WDR72: variants seen among roughly 807,000 people sequenced by gnomAD.
WDR72 encodes WD repeat domain 72.
WDR72 carries 120 observed loss-of-function variants against 124.2 expected under a neutral mutation model. The observed-to-expected ratio is 0.97, with a 90% CI of 0.83 to 1.12. The LOEUF (loss-of-function observed/expected upper bound fraction) is 1.12, where lower values mean the gene tolerates loss of function less well. Ranked by LOEUF, WDR72 falls within the 50% of genes most tolerant of loss-of-function variation. WDR72 has a pLI of 0.00. For missense variants in WDR72, 1,387 were observed against 1,278.8 expected (o/e 1.08, Z -1.29); for synonymous variants, 452 against 441.7 (o/e 1.02, Z -0.29).
At position 53,616,035 on chromosome 15, in the gene WDR72, GTCT is replaced by G. The variant is rs754212316; in HGVS notation, c.2168_2170del (p.Lys723del). 78 of 1,613,020 alleles carry G rather than the reference GTCT, an allele frequency of 4.8e-5. 1 individual carries two copies. In the African/African-American group the frequency reaches 9.6e-4, roughly 20 times the overall value. On this transcript the variant is annotated inframe_deletion, in exon 15 of 20. Coordinates refer to ENST00000360509, the MANE Select transcript of WDR72 (RefSeq NM_182758.4). The stretch of plus-strand genomic sequence containing the variant: ...AGTTTTACTTTTTCTCAGTGTCAGT[GTCT>G]TCTTCTCCACTGTGCTCTTGGCTCT...
intron 18 of WDR72, among the ~76,000 whole-genome samples, chr15:53,570,181 C>A (rs1167945277): frequency 6.6e-6 from 1 of 151,568 alleles, no homozygotes; most frequent in East Asian, 1.9e-4. Flanking sequence ...ATTTATTGGG[C>A]ACAACATGAT....
chr15:53,636,758 T>A (rs2014638039), intron 14 of WDR72, among the ~76,000 whole-genome samples: 1 of 152,192 alleles, frequency 6.6e-6, no homozygotes, highest in South Asian at 2.1e-4. Context: ...CTTAGATAAT[T>A]CTGTGTACTT....
intron 14 of WDR72, among the ~76,000 whole-genome samples, chr15:53,629,571 G>T (rs2014343945): frequency 6.6e-6 from 1 of 151,926 alleles, no homozygotes; most frequent in Non-Finnish European, 1.5e-5. Flanking sequence ...AATATAGCAG[G>T]GGCAGAACTT....
chr15:53,689,827 C>G, intron 13 of WDR72, among the ~76,000 whole-genome samples: 1 of 151,998 alleles, frequency 6.6e-6, no homozygotes, highest in Non-Finnish European at 1.5e-5. Context: ...AGATGTCCAA[C>G]AGTGATAGAC....
At chr15:53,607,706 C>T (rs1280652070) in intron 17 of WDR72, among the ~76,000 whole-genome samples, 2 of 151,976 alleles carry the variant, frequency 1.3e-5, no homozygotes, top group African/African-American at 4.8e-5. Flanking sequence ...AAACAATCAA[C>T]AAAAACAAGA....
chr15:53,621,879 C>G (rs2014009153), intron 14 of WDR72, among the ~76,000 whole-genome samples: 1 of 152,016 alleles, frequency 6.6e-6, no homozygotes, highest in African/African-American at 2.4e-5. Flanking sequence ...ATGCATCTGA[C>G]AAAGCCCTAA....
chr15:53,623,568 C>T (rs889751378), intron 14 of WDR72, among the ~76,000 whole-genome samples: 3 of 151,880 alleles, frequency 2.0e-5, no homozygotes, highest in Admixed American at 6.6e-5. Flanking sequence ...TTGATGCGCA[C>T]CTAGGTTGAT....
intron 2 of WDR72, among the ~76,000 whole-genome samples, chr15:53,729,027 C>A (rs2140598768): frequency 6.6e-6 from 1 of 152,072 alleles, no homozygotes; most frequent in Non-Finnish European, 1.5e-5. Flanking sequence ...ACCTTTTTTC[C>A]TTCCCTATTC....
intron 2 of WDR72, among the ~76,000 whole-genome samples, chr15:53,726,256 G>T (rs868580135): frequency 9.5e-6 from 1 of 105,794 alleles, no homozygotes; most frequent in African/African-American, 5.6e-5. Flanking sequence ...ATATATATAT[G>T]TATGTGTGTA....
rs1284840444 is a variant in WDR72, at chr15:53,597,286, T to A, written c.2953-12A>T. 1.9e-6 allele frequency: 3 copies of A among 1,612,376 alleles called. No homozygotes were observed. In the African/African-American group the frequency reaches 4.0e-5, roughly 22 times the overall value. ...ATTGCTTCAGTTACCTGTAAGGTAT[T>A]TTTTTAAGTGAATTATTTTTAGTAT... is the stretch of plus-strand genomic sequence containing the variant. On this transcript the variant is annotated splice_polypyrimidine_tract_variant and intron_variant, in intron 17 of 19. Transcript: ENST00000360509.
At chr15:53,665,891 C>A (rs932986645) in intron 13 of WDR72, 123 bp from the exon 14 acceptor site, 17 of 936,690 alleles carry the variant, frequency 1.8e-5, no homozygotes, top group Non-Finnish European at 2.8e-5. Context: ...TAGTATCTTG[C>A]AACTGAAAAA....
intron 1 of WDR72, among the ~76,000 whole-genome samples, chr15:53,746,182 C>T (rs1405128693): frequency 1.3e-5 from 2 of 152,184 alleles, no homozygotes; most frequent in East Asian, 1.9e-4. Flanking sequence ...TCCTCCAGCC[C>T]GCCTTCATCT....
chr15:53,522,501 T>C (rs1420906172), intron 19 of WDR72, among the ~76,000 whole-genome samples: 1 of 152,074 alleles, frequency 6.6e-6, no homozygotes, highest in African/African-American at 2.4e-5. Context: ...GGAATGTTCA[T>C]TCGACTTTTA....
At chr15:53,700,036 GT>G in intron 12 of WDR72, 91 bp from the exon 13 acceptor site, 1 of 1,500,606 alleles carries the variant, frequency 6.7e-7, no homozygotes, top group Non-Finnish European at 9.2e-7. Flanking sequence ...ACATAAAAAA[GT>G]TTTGTTAAAG....
At chr15:53,631,475 T>C (rs982461148) in intron 14 of WDR72, among the ~76,000 whole-genome samples, 2 of 152,294 alleles carry the variant, frequency 1.3e-5, no homozygotes, top group Middle Eastern at 3.4e-3. Flanking sequence ...GAGTGGAGCA[T>C]TGCTGCAAAG....
chr15:53,656,970 A>T (rs2015441104), intron 14 of WDR72, among the ~76,000 whole-genome samples: 5 of 152,090 alleles, frequency 3.3e-5, no homozygotes. Context: ...CATGTTTTTA[A>T]AAAGGAAAAA....
At chr15:53,546,556 C>G (rs907083083) in intron 18 of WDR72, among the ~76,000 whole-genome samples, 11 of 151,852 alleles carry the variant, frequency 7.2e-5, no homozygotes, top group African/African-American at 2.4e-4. Context: ...GGAGATATAC[C>G]TAATGCTAGA....
chr15:53,518,632 C>T (rs556989549), intron 19 of WDR72, among the ~76,000 whole-genome samples: 5 of 151,908 alleles, frequency 3.3e-5, no homozygotes, highest in South Asian at 2.1e-4. Context: ...CATGATTGAT[C>T]GGCTGCTCAC....
chr15:53,618,551 T>A (rs1438620168), intron 14 of WDR72, among the ~76,000 whole-genome samples: 2 of 152,044 alleles, frequency 1.3e-5, no homozygotes, highest in Non-Finnish European at 2.9e-5. Flanking sequence ...TCTCAAAAGG[T>A]AGTCTTGTGT....
Sources: gnomAD v4.1 joint callset for allele counts (sites outside exome capture counted in the v4.1 genomes callset) on GRCh38, gnomAD v4.1.1 for gene constraint, MANE v1.5 for transcripts, NCBI Gene and HGNC (gene_info 2026-07-23, HGNC 2026-07-21) for gene names.